MYO1H: variants seen among roughly 807,000 people sequenced by gnomAD.
MYO1H encodes unconventional myosin-Ih.
MYO1H carries 118 observed loss-of-function variants against 149.3 expected under a neutral mutation model. The ratio of observed to expected loss-of-function variants is 0.79; its 90% CI spans 0.68 to 0.92. The LOEUF is 0.92. Among genes scored for constraint, MYO1H ranks in the 40% least tolerant of loss-of-function variants. The pLI is 0.00. For missense variants in MYO1H, 1,212 were observed against 1,280.7 expected (o/e 0.95, Z 0.82); for synonymous variants, 447 against 465.2 (o/e 0.96, Z 0.50).
At chr12:109,420,799 A>G (rs1287471640) in intron 15 of MYO1H, among the ~76,000 whole-genome samples, 182 bp from the exon 16 acceptor site, 1 of 152,178 alleles carries the variant, frequency 6.6e-6, no homozygotes, top group Non-Finnish European at 1.5e-5. Flanking sequence ...CCCACAATGC[A>G]TGGGACAGCC....
At chr12:109,430,516 C>T (rs966742212) in intron 19 of MYO1H, among the ~76,000 whole-genome samples, 3 of 152,180 alleles carry the variant, frequency 2.0e-5, no homozygotes, top group African/African-American at 4.8e-5. Context: ...CTATCTTCTC[C>T]AGCTTTCACT....
intron 1 of MYO1H, chr12:109,359,606 G>A (rs962452435): frequency 1.3e-5 from 2 of 152,206 alleles, no homozygotes; most frequent in African/African-American, 2.4e-5. Context: ...ACTGCCTAGT[G>A]TGAAATCCAC....
At chr12:109,337,833 A>G in the MYO1H span, among the ~76,000 whole-genome samples, 9 of 152,308 alleles carry the variant, frequency 5.9e-5, no homozygotes, top group Admixed American at 4.6e-4. Context: ...ATCTGAGGGT[A>G]GTACAATATG....
chr12:109,384,180 C>T (rs1191642436), intron 1 of MYO1H, among the ~76,000 whole-genome samples: 1 of 152,178 alleles, frequency 6.6e-6, no homozygotes, highest in Non-Finnish European at 1.5e-5. Context: ...GCCATTCATT[C>T]CTGAGTCTAA....
the MYO1H span, among the ~76,000 whole-genome samples, chr12:109,315,892 A>G: frequency 6.6e-6 from 1 of 152,224 alleles, no homozygotes; most frequent in African/African-American, 2.4e-5. Context: ...CCTCTCAAAC[A>G]GCTTACTCTG....
intron 1 of MYO1H, among the ~76,000 whole-genome samples, chr12:109,363,869 G>A (rs993447067): frequency 4.0e-5 from 6 of 151,892 alleles, no homozygotes; most frequent in African/African-American, 7.3e-5. Flanking sequence ...CTTGGACCCC[G>A]TGTCTGACAA....
At chr12:109,440,579 G>T in intron 24 of MYO1H, 165 bp from the exon 25 acceptor site, 1 of 594,762 alleles carries the variant, frequency 1.7e-6, no homozygotes. Context: ...CAAAAAGTTG[G>T]GAGAGGATCA....
At position 109,446,425 on chromosome 12, in the gene MYO1H, T is replaced by TG. The variant is rs1463609579; in HGVS notation, c.3094-732dup. The TG allele has an allele frequency of 1.0e-5, 10 of 985,450 alleles. No individual in the cohort carries two copies. In the East Asian group the frequency reaches 9.1e-4, roughly 89 times the overall value. 61.0% of individuals were successfully genotyped at this position (985,450 alleles called of 1,614,324 possible). A position where few individuals can be genotyped will look rare whatever the true frequency, so the allele number is the denominator to read the frequency against. ...TTAATTAAAAAATGGTCTGTGAACA[T>TG]GGAGTGTCTCATACACATTTAAATT... is the stretch of plus-strand genomic sequence containing the variant. On this transcript the variant is annotated intron_variant, in intron 31 of 31. Coordinates refer to ENST00000310903, the Ensembl canonical transcript of MYO1H.
the MYO1H span, among the ~76,000 whole-genome samples, chr12:109,317,488 T>C: frequency 6.6e-6 from 1 of 152,326 alleles, no homozygotes; most frequent in Non-Finnish European, 1.5e-5. Flanking sequence ...GTCAGGAGAA[T>C]ATATTCTCAG....
At chr12:109,387,574 C>A (rs1869403067) in intron 1 of MYO1H, among the ~76,000 whole-genome samples, 1 of 152,254 alleles carries the variant, frequency 6.6e-6, no homozygotes, top group South Asian at 2.1e-4. Context: ...AGGGACATTG[C>A]AAAGGCAGGC....
intron 13 of MYO1H, among the ~76,000 whole-genome samples, chr12:109,411,067 C>T (rs771484126): frequency 1.3e-5 from 2 of 151,980 alleles, no homozygotes; most frequent in African/African-American, 4.8e-5. Flanking sequence ...GCTTGAACCC[C>T]GGAGGCAGAG....
In MYO1H at chr12:109,401,027, C is replaced by G. The variant is rs1483796017; in HGVS notation, c.571-66C>G. 2.1e-6 allele frequency: 3 copies of G among 1,426,604 alleles called. No homozygotes were observed. The African/African-American group carries it at 4.2e-5, about 20-fold the overall frequency. 88.4% of individuals were successfully genotyped at this position (1,426,604 alleles called of 1,614,324 possible). ...ATTCAAACTTAGAACTTCGGGCCATCAGGAGATGCCAGGAAGAGAGTGGTT... is the reference window on the plus strand; with the variant it reads ...ATTCAAACTTAGAACTTCGGGCCATGAGGAGATGCCAGGAAGAGAGTGGTT... On this transcript the variant is annotated intron_variant, in intron 5 of 31. Transcript: ENST00000310903.
intron 2 of MYO1H, among the ~76,000 whole-genome samples, chr12:109,389,443 T>G (rs1869539641): frequency 6.6e-6 from 1 of 152,048 alleles, no homozygotes; most frequent in South Asian, 2.1e-4. Context: ...CTGGACGGTA[T>G]AGGCAGAGAG....
chr12:109,385,012 G>A (rs563031839), intron 1 of MYO1H, among the ~76,000 whole-genome samples: 1 of 152,278 alleles, frequency 6.6e-6, no homozygotes, highest in South Asian at 2.1e-4. Flanking sequence ...ACAAAAGCAA[G>A]CACTCACTAA....
chr12:109,387,960 C>T (rs1156529166), intron 1 of MYO1H, among the ~76,000 whole-genome samples: 25 of 152,194 alleles, frequency 1.6e-4, no homozygotes, highest in Non-Finnish European at 2.9e-5. Context: ...CAGCTCTGGC[C>T]CTGGTATCCT....
At chr12:109,353,393 C>CAAAAAAAAAAAAAAAAAAAAAAAAA (rs55927192) in intron 1 of MYO1H, among the ~76,000 whole-genome samples, 2 of 79,286 alleles carry the variant, frequency 2.5e-5, no homozygotes, top group Non-Finnish European at 4.8e-5. Context: ...GACTCCGTCT[C>CAAAAAAAAAAAAAAAAAAAAAAAAA]AAAAAAAAAA....
At chr12:109,428,230 C>T (rs1362688855) in intron 19 of MYO1H, among the ~76,000 whole-genome samples, 1 of 152,036 alleles carries the variant, frequency 6.6e-6, no homozygotes, top group Non-Finnish European at 1.5e-5. Flanking sequence ...GTGGGCAGTG[C>T]CCCACAGGCC....
At chr12:109,426,089 G>C (rs1871343885) in intron 18 of MYO1H, 38 bp downstream of exon 18, 1 of 1,498,708 alleles carries the variant, frequency 6.7e-7, no homozygotes, top group African/African-American at 1.4e-5. Flanking sequence ...CTCAGGGAAA[G>C]GAGGCTGGGA....
rs778441614 is a variant in MYO1H at position 109,404,091 on chromosome 12, T to C, written c.849+11T>C. On this transcript the variant is annotated intron_variant, in intron 7 of 31. Coordinates refer to ENST00000310903, the Ensembl canonical transcript of MYO1H. ...GAAGCTGACCTCGAGGTACGTGCTTTTGCAGCAGAACTGATAGTTCCCCCT... is the reference window on the plus strand; with the variant it reads ...GAAGCTGACCTCGAGGTACGTGCTTCTGCAGCAGAACTGATAGTTCCCCCT... The C allele has an allele frequency of 6.2e-7, 1 of 1,603,182 alleles. No homozygotes were observed. The highest frequency in any genetic ancestry group is 1.1e-5 in the South Asian group (1 of 90,276).
Sources: allele counts gnomAD v4.1 joint callset (sites outside exome capture counted in the v4.1 genomes callset), GRCh38; gene constraint gnomAD v4.1.1; transcripts MANE v1.5; gene names NCBI Gene and HGNC (gene_info 2026-07-23, HGNC 2026-07-21).